Variants in RIMBP2 observed in about 807,000 individuals in gnomAD.
The protein encoded by RIMBP2 is RIMS-binding protein 2.
Under a neutral mutation model 118.6 loss-of-function variants are expected in RIMBP2, and 48 were observed. The observed-to-expected ratio is 0.40, with a 90% CI of 0.32 to 0.51. RIMBP2 has a LOEUF of 0.51. RIMBP2 is among the 20% of genes least tolerant of loss of function. The pLI is 0.41. For missense variants in RIMBP2, 1,551 were observed against 1,768.3 expected (o/e 0.88, Z 2.20); for synonymous variants, 762 against 742.9 (o/e 1.03, Z -0.42).
chr12:130,429,552 C>A (rs956595416), intron 14 of RIMBP2: 2 of 152,206 alleles, frequency 1.3e-5, no homozygotes, highest in African/African-American at 2.4e-5. Flanking sequence ...TAAAGATATT[C>A]TGTTTTTGCT....
chr12:130,415,628 C>A (rs61934557), intron 17 of RIMBP2, among the ~76,000 whole-genome samples: 161 of 77,668 alleles, frequency 2.1e-3, no homozygotes, highest in South Asian at 0.014. Flanking sequence ...ACTGATGATA[C>A]GGCATCCATA....
intron 5 of RIMBP2, among the ~76,000 whole-genome samples, chr12:130,476,190 G>A (rs11060929): frequency 0.22 from 34,200 of 152,138 alleles, 5,317 homozygotes; most frequent in Non-Finnish European, 0.33. Flanking sequence ...AGAAAACGAG[G>A]ACAGAGAACT....
chr12:130,626,286 C>T (rs1288734097), intron 2 of RIMBP2, among the ~76,000 whole-genome samples: 3 of 152,218 alleles, frequency 2.0e-5, no homozygotes, highest in Admixed American at 6.5e-5. Flanking sequence ...TGAACACATA[C>T]TGGCTGGATC....
intron 5 of RIMBP2, among the ~76,000 whole-genome samples, chr12:130,474,760 G>A (rs2081292635): frequency 6.6e-6 from 1 of 152,216 alleles, no homozygotes; most frequent in Non-Finnish European, 1.5e-5. Flanking sequence ...AGTGGCAGAG[G>A]TGGCACAGCT....
Position 130,511,330 on chromosome 12 carries a change from G to A in RIMBP2, c.-126-4560C>T, listed in dbSNP as rs2050889301. Among the ~76,000 whole-genome samples, 1 of 152,350 alleles carries A rather than the reference G, an allele frequency of 6.6e-6. No homozygotes were observed. Among genetic ancestry groups the A allele is most frequent in the East Asian group, 1.9e-4 (1 of 5,182 alleles). ...ACCTCCAGAGCGGTGAGACACGGTG[G>A]TGTGTGTGCTTGTAGGAATTTGTCA... On this transcript the variant is annotated intron_variant, in intron 3 of 22. Coordinates refer to ENST00000690449, the MANE Select transcript of RIMBP2 (RefSeq NM_001393629.1). This position sits in a 1 kb window ranked among gnomAD's most constrained non-coding sequence, Gnocchi z 4.3.
intron 2 of RIMBP2, among the ~76,000 whole-genome samples, chr12:130,595,323 C>A (rs1476578055): frequency 6.6e-6 from 1 of 151,932 alleles, no homozygotes; most frequent in Non-Finnish European, 1.5e-5. Context: ...CTTTGGGAGG[C>A]CGAGATGGGC....
intron 1 of RIMBP2, among the ~76,000 whole-genome samples, chr12:130,679,458 G>A (rs952451640): frequency 4.6e-5 from 7 of 152,272 alleles, no homozygotes; most frequent in Non-Finnish European, 8.8e-5. Context: ...AAACATCCAC[G>A]TTTGCACAAG....
intron 2 of RIMBP2, among the ~76,000 whole-genome samples, chr12:130,582,209 G>C (rs921659214): frequency 3.3e-5 from 5 of 152,088 alleles, no homozygotes; most frequent in Non-Finnish European, 7.4e-5. Flanking sequence ...TGGCTTTTCT[G>C]CTCCCACTAG....
chr12:130,427,106 CT>C (rs1344720521), intron 15 of RIMBP2: 2 of 152,052 alleles, frequency 1.3e-5, no homozygotes, highest in African/African-American at 4.8e-5. Context: ...TGCCAGGGGC[CT>C]TTGCCAGGAG....
At chr12:130,610,835 C>A (rs2060496507) in intron 2 of RIMBP2, among the ~76,000 whole-genome samples, 1 of 152,142 alleles carries the variant, frequency 6.6e-6, no homozygotes, top group African/African-American at 2.4e-5. Context: ...GCTGGGATTA[C>A]AGGCGTGAGC....
intron 7 of RIMBP2, among the ~76,000 whole-genome samples, chr12:130,453,563 G>A (rs1358672785): frequency 2.0e-5 from 3 of 152,254 alleles, no homozygotes; most frequent in Non-Finnish European, 4.4e-5. Context: ...TCTCTGCTAC[G>A]TGGAGTAACC....
In RIMBP2 at chr12:130,424,826, A is replaced by C. The variant is rs2076671967; in HGVS notation, c.2445T>G (p.Thr815=). The C allele has an allele frequency of 1.6e-6, 2 of 1,232,548 alleles. No individual in the cohort carries two copies. Among genetic ancestry groups the C allele is most frequent in the Non-Finnish European group, 2.0e-6 (2 of 988,404 alleles). 76.4% of individuals were successfully genotyped at this position (1,232,548 alleles called of 1,614,324 possible). A position where few individuals can be genotyped will look rare whatever the true frequency, so the allele number is the denominator to read the frequency against. The change falls in exon 16 of 23, where the codon ACT becomes ACG. Residue 815 remains threonine, a synonymous_variant. Transcript: ENST00000690449. This position sits in a 1 kb window ranked among gnomAD's most constrained non-coding sequence, Gnocchi z 9.8. ...GGGGAAACTCGGGCTGCTCCCAGAA[A>C]GTGCCTTCCGAGGTCCTATGGTCAG... ...DCTDHRTSEG[T]FWEQPEFPHQ... is the part of the protein sequence containing the mutation.
At chr12:130,666,536 T>C (rs2136400538) in intron 1 of RIMBP2, among the ~76,000 whole-genome samples, 1 of 152,310 alleles carries the variant, frequency 6.6e-6, no homozygotes, top group South Asian at 2.1e-4. Flanking sequence ...AGTTTCACTA[T>C]CGCCTGCTGT....
chr12:130,576,011 C>A lies in RIMBP2; in HGVS notation c.-217+52311G>T, dbSNP rs2058059258. On this transcript the variant is annotated intron_variant, in intron 2 of 22. Coordinates refer to ENST00000690449, the MANE Select transcript of RIMBP2 (RefSeq NM_001393629.1). This position sits in a 1 kb window ranked among gnomAD's most constrained non-coding sequence, Gnocchi z 4.2. Reference sequence around the variant, plus strand: ...AGGGAGTGAGCTGGGTGGCTCTTTGCAGTGAGGAGGAGCATGGTGGACAGA... The same window carrying A: ...AGGGAGTGAGCTGGGTGGCTCTTTGAAGTGAGGAGGAGCATGGTGGACAGA... 6.6e-6 allele frequency among the ~76,000 whole-genome samples: 1 copy of A among 151,984 alleles called. No individual in the cohort carries two copies. The highest frequency in any genetic ancestry group is 1.5e-5 in the Non-Finnish European group (1 of 68,014).
chr12:130,544,674 A>G (rs2054942831), intron 2 of RIMBP2, among the ~76,000 whole-genome samples: 1 of 133,254 alleles, frequency 7.5e-6, no homozygotes, highest in Non-Finnish European at 1.5e-5. Flanking sequence ...ATTTCAGCTC[A>G]CTGCAACCTT....
chr12:130,584,101 C>T (rs1376819666), intron 2 of RIMBP2, among the ~76,000 whole-genome samples: 1 of 151,514 alleles, frequency 6.6e-6, no homozygotes, highest in East Asian at 2.0e-4. Flanking sequence ...ACCTCATCAC[C>T]ATTACATCAC....
chr12:130,613,491 G>A (rs896375267), intron 2 of RIMBP2, among the ~76,000 whole-genome samples: 8 of 152,128 alleles, frequency 5.3e-5, no homozygotes, highest in South Asian at 2.1e-4. Context: ...AGCAGGGAAC[G>A]CCCAGCACAG....
At chr12:130,499,787 C>T (rs1391882606) in intron 4 of RIMBP2, among the ~76,000 whole-genome samples, 1 of 152,190 alleles carries the variant, frequency 6.6e-6, no homozygotes, top group East Asian at 1.9e-4. Context: ...TTTCACTTCC[C>T]CACCTGACCT....
chr12:130,424,841 C>A lies in RIMBP2; in HGVS notation c.2430G>T (p.Arg810Ser). 8.1e-7 allele frequency: 1 copy of A among 1,232,560 alleles called. No homozygotes were observed. The highest frequency in any genetic ancestry group is 4.1e-5 in the South Asian group (1 of 24,316). 76.4% of individuals were successfully genotyped at this position (1,232,560 alleles called of 1,614,324 possible). The change falls in exon 16 of 23, where the codon AGG (arginine) becomes AGT (serine). Residue 810 changes from arginine to serine, a missense_variant. Physicochemically the swap from Arg to Ser is moderately radical, Grantham distance 110. Around this residue, in one of 5 missense-constraint regions of RIMBP2, gnomAD observed 1,038 missense variants for 1,125.1 expected, o/e 0.92. Coordinates refer to ENST00000690449, the MANE Select transcript of RIMBP2 (RefSeq NM_001393629.1). The surrounding 1 kb of genome is among the most constrained non-coding windows in gnomAD (Gnocchi z 9.8). ...GCTCCCAGAAAGTGCCTTCCGAGGT[C>A]CTATGGTCAGTGCAGTCCTTACGGG... ...HNALKDCTDH[R>S]TSEGTFWEQP...
Sources: gnomAD v4.1 joint callset for allele counts (sites outside exome capture counted in the v4.1 genomes callset) on GRCh38, gnomAD v4.1.1 for gene constraint, gnomAD v4.1.1 regional missense constraint, Gnocchi (gnomAD v3.1) non-coding constraint, MANE v1.5 for transcripts, NCBI Gene and HGNC (gene_info 2026-07-23, HGNC 2026-07-21) for gene names.